Variants in THRB observed in about 807,000 individuals in gnomAD.
The protein encoded by THRB is nuclear receptor subfamily 1 group A member 2.
A neutral mutation model predicts 47.8 loss-of-function variants in THRB; 12 were observed. That is an observed-to-expected ratio of 0.25 (90% confidence interval 0.16 to 0.41). THRB has a LOEUF of 0.41. Among genes scored for constraint, THRB ranks in the 10% least tolerant of loss-of-function variants. THRB has a pLI of 1.00. For synonymous variants in THRB, 218 were observed against 212.2 expected (o/e 1.03, Z -0.24); for missense variants, 348 against 589.2 (o/e 0.59, Z 4.24).
intron 1 of THRB, among the ~76,000 whole-genome samples, chr3:24,350,117 G>C (rs1398292027): frequency 6.6e-6 from 1 of 151,972 alleles, no homozygotes; most frequent in Non-Finnish European, 1.5e-5. Context: ...CATATAAAAA[G>C]TGCTCGACCT....
chr3:24,213,487 C>T (rs1347106977), intron 4 of THRB, among the ~76,000 whole-genome samples: 3 of 152,100 alleles, frequency 2.0e-5, no homozygotes, highest in African/African-American at 7.2e-5. Context: ...TAATCCCAGC[C>T]CTGGTCAATA....
At chr3:24,185,262 T>C (rs925351678) in intron 5 of THRB, among the ~76,000 whole-genome samples, 2 of 152,218 alleles carry the variant, frequency 1.3e-5, no homozygotes, top group Non-Finnish European at 2.9e-5. Flanking sequence ...AAAATGTTCA[T>C]GATATATTGC....
At chr3:24,473,224 T>G (rs1694959532) in intron 1 of THRB, among the ~76,000 whole-genome samples, 1 of 152,232 alleles carries the variant, frequency 6.6e-6, no homozygotes, top group South Asian at 2.1e-4. Context: ...TCTAAAAGTT[T>G]CAACCATTTT....
intron 4 of THRB, among the ~76,000 whole-genome samples, chr3:24,196,315 G>A (rs1203506922): frequency 1.3e-5 from 2 of 152,082 alleles, no homozygotes; most frequent in Non-Finnish European, 2.9e-5. Flanking sequence ...GTAGCCTCGT[G>A]AGAGGTGGTC....
At chr3:24,140,789 C>T (rs776404388) in intron 8 of THRB, among the ~76,000 whole-genome samples, 7 of 152,138 alleles carry the variant, frequency 4.6e-5, no homozygotes, top group Non-Finnish European at 7.4e-5. Context: ...AGAGAGAGAA[C>T]GGGCTGTGTA....
chr3:24,365,799 T>C (rs1187802176), intron 1 of THRB, among the ~76,000 whole-genome samples: 1 of 152,172 alleles, frequency 6.6e-6, no homozygotes, highest in Non-Finnish European at 1.5e-5. Flanking sequence ...TCCTTCCCTA[T>C]TGACTACTTA....
chr3:24,123,207 G>A, intron 10 of THRB, 82 bp from the exon 11 acceptor site: 3 of 1,597,254 alleles, frequency 1.9e-6, no homozygotes, highest in South Asian at 2.2e-5. Flanking sequence ...GCCTTTATTG[G>A]GGGGCGGGCA....
At chr3:24,472,350 C>T (rs750291482) in intron 1 of THRB, among the ~76,000 whole-genome samples, 48 of 152,242 alleles carry the variant, frequency 3.2e-4, no homozygotes, top group Non-Finnish European at 5.3e-4. Context: ...AACACATATC[C>T]CAGCTACCTG....
intron 3 of THRB, among the ~76,000 whole-genome samples, chr3:24,232,926 A>G (rs2048395918): frequency 1.3e-5 from 2 of 152,210 alleles, no homozygotes; most frequent in South Asian, 4.1e-4. Flanking sequence ...GGAATTTACA[A>G]TCCATTTTAT....
At chr3:24,361,952 A>C (rs1040479844) in intron 1 of THRB, among the ~76,000 whole-genome samples, 2 of 152,150 alleles carry the variant, frequency 1.3e-5, no homozygotes, top group Non-Finnish European at 1.5e-5. Context: ...GCAAGAATAA[A>C]AGAGAGTCAG....
intron 3 of THRB, among the ~76,000 whole-genome samples, chr3:24,243,807 A>C (rs1379469432): frequency 2.0e-5 from 3 of 152,090 alleles, no homozygotes; most frequent in Non-Finnish European, 2.9e-5. Context: ...GATGACCCCA[A>C]GTGCTAACAC....
chr3:24,132,989 C>T (rs1293765039), intron 9 of THRB, among the ~76,000 whole-genome samples: 1 of 152,170 alleles, frequency 6.6e-6, no homozygotes, highest in East Asian at 1.9e-4. Flanking sequence ...TGAATGTGGG[C>T]AAACCTGAGC....
intron 1 of THRB, among the ~76,000 whole-genome samples, chr3:24,375,386 A>G (rs1455942047): frequency 1.5e-5 from 2 of 137,812 alleles, no homozygotes; most frequent in African/African-American, 2.6e-5. Flanking sequence ...TATAATATTA[A>G]TATATTATAG....
At chr3:24,484,463 CAT>C (rs1415933184) in intron 1 of THRB, among the ~76,000 whole-genome samples, 1 of 152,028 alleles carries the variant, frequency 6.6e-6, no homozygotes. Context: ...ATATTGATTA[CAT>C]GTTAATAATA....
At chr3:24,423,760 C>T (rs2069494748) in intron 1 of THRB, among the ~76,000 whole-genome samples, 1 of 151,590 alleles carries the variant, frequency 6.6e-6, no homozygotes, top group African/African-American at 2.4e-5. Context: ...TTTTTATGGC[C>T]ATCTATTTAT....
At chr3:24,440,447 A>G (rs1047127617) in intron 1 of THRB, among the ~76,000 whole-genome samples, 4 of 152,198 alleles carry the variant, frequency 2.6e-5, no homozygotes, top group African/African-American at 9.7e-5. Context: ...TGCCTTTTTC[A>G]AGACGCAGCC....
At chr3:24,336,507 T>C (rs2062260472) in intron 2 of THRB, among the ~76,000 whole-genome samples, 1 of 152,224 alleles carries the variant, frequency 6.6e-6, no homozygotes, top group Non-Finnish European at 1.5e-5. Flanking sequence ...CACAACCTTA[T>C]ATGCAGAGAT....
intron 1 of THRB, among the ~76,000 whole-genome samples, chr3:24,370,995 C>A (rs776333156): frequency 6.6e-6 from 1 of 152,128 alleles, no homozygotes; most frequent in Admixed American, 6.6e-5. Context: ...CTATTATTTA[C>A]CCCATTTTAT....
chr3:24,188,925 A>T (rs2042985948), intron 5 of THRB, among the ~76,000 whole-genome samples: 1 of 143,060 alleles, frequency 7.0e-6, no homozygotes, highest in Non-Finnish European at 1.5e-5. Flanking sequence ...CCAAAGGGAC[A>T]TGTATAGTTT....
Sources: allele counts gnomAD v4.1 joint callset (sites outside exome capture counted in the v4.1 genomes callset), GRCh38; gene constraint gnomAD v4.1.1; transcripts MANE v1.5; gene names NCBI Gene and HGNC (gene_info 2026-07-23, HGNC 2026-07-21).